The following SIRT5 variants were observed in gnomAD, a reference collection of about 807,000 sequenced individuals.
SIRT5 encodes the protein sirtuin 5.
Under a neutral mutation model 40.0 loss-of-function variants are expected in SIRT5, and 26 were observed. That is an observed-to-expected ratio of 0.65 (90% CI 0.48 to 0.90). SIRT5 has a LOEUF of 0.90. SIRT5 is among the 40% of genes least tolerant of loss of function. The pLI, the probability that SIRT5 is intolerant of heterozygous loss-of-function variation, is 0.00. For missense variants in SIRT5, 401 were observed against 402.4 expected, an observed-to-expected ratio of 1.00 and a Z score of 0.03; for synonymous variants, 146 against 149.1, an observed-to-expected ratio of 0.98 and a Z score of 0.15.
At chr6:13,585,633 A>G (rs1759974289) in intron 3 of SIRT5, among the ~76,000 whole-genome samples, 1 of 152,202 alleles carries the variant, frequency 6.6e-6, no homozygotes, top group Non-Finnish European at 1.5e-5. Flanking sequence ...TTCTTAGTCC[A>G]GTCTATCACT....
chr6:13,611,830 G>A lies in SIRT5; in HGVS notation c.898G>A (p.Ala300Thr), dbSNP rs1277702892. The A allele has an allele frequency of 5.6e-6, 9 of 1,613,886 alleles. No homozygotes were observed. Among genetic ancestry groups the A allele is most frequent in the Non-Finnish European group, 7.6e-6 (9 of 1,179,912 alleles). ...QGPCGTTLPE[A>T]LACHENETVS ...ACCCTGTGGAACGACTCTTCCTGAA[G>A]CCCTTGCCTGTCATGAAAATGAAAC... Residue 300 changes from alanine to threonine, a missense_variant, in exon 10 of 10, where the codon GCC becomes ACC. Coordinates refer to ENST00000606117, the MANE Select transcript of SIRT5 (RefSeq NM_012241.5).
intron 5 of SIRT5, among the ~76,000 whole-genome samples, chr6:13,594,289 G>C (rs768617825): frequency 2.6e-5 from 4 of 152,214 alleles, no homozygotes; most frequent in Non-Finnish European, 1.5e-5. Context: ...GGACACATCT[G>C]AATTTCAGAG....
chr6:13,592,540 G>A (rs1402992710), intron 5 of SIRT5, among the ~76,000 whole-genome samples: 2 of 149,508 alleles, frequency 1.3e-5, no homozygotes, highest in Admixed American at 1.3e-4. Context: ...ACTGCACCAA[G>A]CCCACCAAGC....
chr6:13,598,284 A>G (rs992810592), intron 7 of SIRT5, among the ~76,000 whole-genome samples: 1 of 152,150 alleles, frequency 6.6e-6, no homozygotes, highest in Non-Finnish European at 1.5e-5. Flanking sequence ...GGAGTGAAAG[A>G]AGAGAGATTT....
intron 1 of SIRT5, among the ~76,000 whole-genome samples, chr6:13,577,128 A>G (rs1758732870): frequency 6.6e-6 from 1 of 152,170 alleles, no homozygotes; most frequent in Admixed American, 6.5e-5. Context: ...TGCTTTGGCT[A>G]TTTAGGGTCT....
At chr6:13,595,328 C>T (rs565645984) in intron 5 of SIRT5, 149 bp from the exon 6 acceptor site, 14 of 622,402 alleles carry the variant, frequency 2.2e-5, no homozygotes, top group Admixed American at 1.3e-4. Flanking sequence ...GAGCTATGAT[C>T]GTACTGCTAC....
rs1235864089 is a variant in SIRT5, at chr6:13,586,979, CAG to C, written c.116-1351_116-1350del. Reference sequence around the variant, plus strand: ...CCTGCCTGTCCCTGGTTCCATCTGTCAGGGGAGGGTTAGCCTCCCCTCATTCA... The same window carrying C: ...CCTGCCTGTCCCTGGTTCCATCTGTCGGGAGGGTTAGCCTCCCCTCATTCA... On this transcript the variant is annotated intron_variant, in intron 3 of 9. Coordinates refer to ENST00000606117, the MANE Select transcript of SIRT5 (RefSeq NM_012241.5). 1.3e-5 allele frequency among the ~76,000 whole-genome samples: 2 copies of C among 152,194 alleles called. 1 individual carries two copies. Among genetic ancestry groups the C allele is most frequent in the Middle Eastern group, 6.3e-3 (2 of 316 alleles).
intron 8 of SIRT5, among the ~76,000 whole-genome samples, chr6:13,599,818 C>G (rs1468358868): frequency 6.6e-6 from 1 of 152,216 alleles, no homozygotes; most frequent in Non-Finnish European, 1.5e-5. Flanking sequence ...TTGCCCACCT[C>G]TGGTCTAAAC....
chr6:13,584,436 C>T (rs1759790197), intron 3 of SIRT5, among the ~76,000 whole-genome samples: 1 of 152,166 alleles, frequency 6.6e-6, no homozygotes, highest in South Asian at 2.1e-4. Context: ...CCGCAACCTC[C>T]GCCTCCTGGG....
At chr6:13,594,229 T>C (rs965396225) in intron 5 of SIRT5, among the ~76,000 whole-genome samples, 2 of 152,216 alleles carry the variant, frequency 1.3e-5, no homozygotes, top group African/African-American at 4.8e-5. Flanking sequence ...AACAAGTCTG[T>C]GCAAGCATGA....
At position 13,596,953 on chromosome 6, in the gene SIRT5, T is replaced by A. The variant is rs200672924; in HGVS notation, c.564-10T>A. ...TAACAATCTTTCTTTTCTAATATTA[T>A]TTACTTCAGTGCTCCAGAACCTGGA... is the stretch of plus-strand genomic sequence containing the variant. On this transcript the variant is annotated splice_polypyrimidine_tract_variant and intron_variant, in intron 6 of 9. Coordinates refer to ENST00000606117, the MANE Select transcript of SIRT5 (RefSeq NM_012241.5). 1.9e-6 allele frequency: 3 copies of A among 1,597,274 alleles called. No individual in the cohort carries two copies. In the East Asian group the frequency reaches 6.7e-5, roughly 36 times the overall value.
rs1468311994 is a variant in SIRT5, at chr6:13,599,603, G to A, written c.741+448G>A. 2.0e-5 allele frequency among the ~76,000 whole-genome samples: 3 copies of A among 152,232 alleles called. No individual in the cohort carries two copies. The East Asian group carries it at 5.8e-4, about 29-fold the overall frequency. The stretch of plus-strand genomic sequence containing the variant: ...TATGTTTTCTTCTAGACCCAGGAGT[G>A]AGCAAACAGCAGCCTTTGGGCCACA... On this transcript the variant is annotated intron_variant, in intron 8 of 9. Coordinates refer to ENST00000606117, the MANE Select transcript of SIRT5 (RefSeq NM_012241.5).
intron 9 of SIRT5, among the ~76,000 whole-genome samples, chr6:13,603,681 C>G (rs958445477): frequency 5.3e-5 from 8 of 152,194 alleles, no homozygotes; most frequent in African/African-American, 1.9e-4. Context: ...ACTATATGAT[C>G]TAGCAATTCT....
At chr6:13,578,820 A>G (rs1758974457) in intron 1 of SIRT5, among the ~76,000 whole-genome samples, 1 of 152,074 alleles carries the variant, frequency 6.6e-6, no homozygotes, top group African/African-American at 2.4e-5. Flanking sequence ...AGGCTTTTAA[A>G]AAAAATCTGT....
chr6:13,600,557 GA>G (rs1762242543), intron 8 of SIRT5, among the ~76,000 whole-genome samples: 1 of 152,162 alleles, frequency 6.6e-6, no homozygotes, highest in African/African-American at 2.4e-5. Flanking sequence ...AACAAAACCA[GA>G]ATTAACCCCA....
chr6:13,576,193 G>A (rs1186467935), intron 1 of SIRT5, among the ~76,000 whole-genome samples: 1 of 152,220 alleles, frequency 6.6e-6, no homozygotes, highest in Non-Finnish European at 1.5e-5. Flanking sequence ...TCTGGGTCAT[G>A]TGGTAATTCT....
chr6:13,605,155 A>C, intron 9 of SIRT5: 2 of 985,526 alleles, frequency 2.0e-6, no homozygotes, highest in Non-Finnish European at 2.4e-6. Flanking sequence ...ATTTTGGTTG[A>C]ACTTTACCCT....
rs552576845 is a variant in SIRT5 at position 13,604,700 on chromosome 6, C to G, written c.857+3751C>G. ...GTGTCTTCATGTGAAAGAAACTGAA[C>G]TTGGTGGTTTTTCCTGCCAGTTCAG... On this transcript the variant is annotated intron_variant, in intron 9 of 9. Transcript: ENST00000606117. 6.5e-6 allele frequency: 9 copies of G among 1,380,006 alleles called. No individual in the cohort carries two copies. The South Asian group carries it at 1.2e-4, about 18-fold the overall frequency. 85.5% of individuals were successfully genotyped at this position (1,380,006 alleles called of 1,614,324 possible).
chr6:13,584,047 C>T (rs1759732615), intron 2 of SIRT5, 29 bp from the exon 3 acceptor site: 2 of 1,025,998 alleles, frequency 1.9e-6, no homozygotes, highest in South Asian at 1.4e-5. Context: ...ATTGTTTCTA[C>T]ACTATTTGTT....
Sources: gnomAD v4.1 joint callset for allele counts (sites outside exome capture counted in the v4.1 genomes callset) on GRCh38, gnomAD v4.1.1 for gene constraint, MANE v1.5 for transcripts, NCBI Gene and HGNC (gene_info 2026-07-23, HGNC 2026-07-21) for gene names.